ANKAR: variants seen among roughly 807,000 people sequenced by gnomAD.
The protein encoded by ANKAR is ankyrin and armadillo repeat containing.
Under a neutral mutation model 146.2 loss-of-function variants are expected in ANKAR, and 136 were observed. The observed-to-expected ratio is 0.93, with a 90% CI of 0.81 to 1.07. The LOEUF (loss-of-function observed/expected upper bound fraction) is 1.07. ANKAR is among the 50% of genes least tolerant of loss of function. The pLI is 0.00. For synonymous variants in ANKAR, 500 were observed against 575.8 expected, an observed-to-expected ratio of 0.87 and a Z score of 1.88; for missense variants, 1,567 against 1,679.9, an observed-to-expected ratio of 0.93 and a Z score of 1.18.
intron 20 of ANKAR, among the ~76,000 whole-genome samples, chr2:189,742,865 GACAC>G (rs58780931): frequency 0.081 from 3,471 of 42,950 alleles, 253 homozygotes; most frequent in African/African-American, 0.18. Context: ...AGAATTACCT[GACAC>G]ACACACACAC....
At chr2:189,693,006 C>A in intron 4 of ANKAR, 68 bp from the exon 5 acceptor site, 1 of 850,974 alleles carries the variant, frequency 1.2e-6, no homozygotes, top group South Asian at 2.0e-5. Context: ...CTCTTTCATA[C>A]AAAGAATTCT....
intron 10 of ANKAR, among the ~76,000 whole-genome samples, chr2:189,715,952 G>A (rs1361433640): frequency 3.9e-5 from 6 of 152,154 alleles, no homozygotes. Context: ...AATAATAAGA[G>A]CTATTTATGA....
Position 189,737,839 on chromosome 2 carries a change from C to T in ANKAR, c.3580C>T (p.Gln1194Ter). The change falls in exon 18 of 23, where the codon CAG becomes TAG. Residue 1194 changes from glutamine to a stop codon, truncating the protein, a stop_gained and splice_region_variant. Transcript: ENST00000684021. LOFTEE classifies it high-confidence loss of function. ...AACTGAGAAGGCAATGGCAGCATTT[C>T]AGGTATAAAATTGAGATTAACACCT... ...VETEKAMAAF[Q>*]IVVLAKVIRD... 1 of 1,548,532 alleles carries T rather than the reference C, an allele frequency of 6.5e-7. No homozygotes were observed. The highest frequency in any genetic ancestry group is 8.7e-7 in the Non-Finnish European group (1 of 1,155,710).
chr2:189,704,544 CATATATATATATAT>C (rs10578902), intron 7 of ANKAR, among the ~76,000 whole-genome samples: 1,442 of 36,410 alleles, frequency 0.04, 35 homozygotes, highest in African/African-American at 0.05. Flanking sequence ...CCTTTGTTAA[CATATATATATATAT>C]ATATATATAT....
intron 18 of ANKAR, among the ~76,000 whole-genome samples, chr2:189,758,643 A>G (rs1191859950): frequency 2.6e-5 from 4 of 152,218 alleles, no homozygotes; most frequent in Admixed American, 2.6e-4. Context: ...TATTCTTTCC[A>G]TCTCCATTCA....
rs544537725 is a variant in ANKAR at position 189,675,495 on chromosome 2, T to G, written c.-36+665T>G. ...CCGCGAGTAGCTGAGATTACAGGCA[T>G]GTACGACCACGTTTGGCTAATTTTG... is the stretch of plus-strand genomic sequence containing the variant. On this transcript the variant is annotated intron_variant, in intron 1 of 22. Transcript: ENST00000684021. 5.3e-5 allele frequency among the ~76,000 whole-genome samples: 8 copies of G among 152,206 alleles called. No individual in the cohort carries two copies. In the South Asian group the frequency reaches 1.7e-3, roughly 32 times the overall value.
intron 5 of ANKAR, among the ~76,000 whole-genome samples, chr2:189,693,774 A>G (rs530670010): frequency 6.6e-6 from 1 of 151,836 alleles, no homozygotes; most frequent in Non-Finnish European, 1.5e-5. Context: ...TATGAGACAG[A>G]GTCTTGCTCT....
At chr2:189,743,581 C>G in intron 21 of ANKAR, 107 bp downstream of exon 21, 1 of 994,354 alleles carries the variant, frequency 1.0e-6, no homozygotes, top group Non-Finnish European at 1.5e-6. Flanking sequence ...ATGAACATAT[C>G]TCCTGTATAG....
intron 5 of ANKAR, among the ~76,000 whole-genome samples, chr2:189,694,479 G>C (rs1159379771): frequency 6.6e-6 from 1 of 152,188 alleles, no homozygotes; most frequent in East Asian, 1.9e-4. Context: ...ATTCCAGAAT[G>C]ATAGGGATCA....
At chr2:189,748,836 G>A (rs2044597627), downstream of ANKAR, among the ~76,000 whole-genome samples, 1 of 152,122 alleles carries the variant, frequency 6.6e-6, no homozygotes, top group Non-Finnish European at 1.5e-5. Flanking sequence ...CTATTTTCAG[G>A]TTATCAGAGT....
chr2:189,753,581 G>A (rs1269075527), intron 18 of ANKAR, among the ~76,000 whole-genome samples: 1 of 151,976 alleles, frequency 6.6e-6, no homozygotes, highest in Non-Finnish European at 1.5e-5. Flanking sequence ...CAAACAAAGG[G>A]ATTTCATCAA....
chr2:189,690,024 A>G, intron 3 of ANKAR, 60 bp downstream of exon 3: 1 of 1,268,422 alleles, frequency 7.9e-7, no homozygotes, highest in African/African-American at 1.5e-5. Context: ...ATATGTTTAA[A>G]TGCAATTTTG....
intron 21 of ANKAR, 107 bp from the exon 22 acceptor site, chr2:189,744,635 T>A: frequency 4.4e-6 from 3 of 688,816 alleles, no homozygotes; most frequent in Non-Finnish European, 7.4e-6. Context: ...AATTAGGCCA[T>A]TAGGCATTAA....
intron 2 of ANKAR, among the ~76,000 whole-genome samples, chr2:189,681,502 A>G (rs2034668397): frequency 6.6e-6 from 1 of 152,160 alleles, no homozygotes; most frequent in Non-Finnish European, 1.5e-5. Flanking sequence ...GACACATAGG[A>G]ACATTCTAAT....
At chr2:189,729,715 T>TGTGTGTGTGTGTGTGTGTGTGGGGGG (rs61101787) in intron 15 of ANKAR, among the ~76,000 whole-genome samples, 1 of 141,398 alleles carries the variant, frequency 7.1e-6, no homozygotes, top group East Asian at 2.2e-4. Flanking sequence ...TGTGTGTGTG[T>TGTGTGTGTGTGTGTGTGTGTGGGGGG]GGTGCGGGTG....
At chr2:189,762,904 G>A (rs980877293), downstream of ANKAR, 34 of 985,404 alleles carry the variant, frequency 3.5e-5, no homozygotes, top group Non-Finnish European at 4.1e-5. Flanking sequence ...CGCTCTCTGT[G>A]CGCACCTGCA....
intron 18 of ANKAR, 34 bp downstream of exon 18, chr2:189,737,875 A>C: frequency 6.7e-7 from 1 of 1,487,914 alleles, no homozygotes; most frequent in Non-Finnish European, 8.9e-7. Context: ...CAAATTAATA[A>C]ATATGTCATT....
chr2:189,696,320 C>A lies in ANKAR; in HGVS notation c.1659C>A (p.Cys553Ter). The change falls in exon 7 of 23, where the codon TGC becomes TGA. Residue 553 changes from cysteine (C) to a stop codon, truncating the protein, a stop_gained. Transcript: ENST00000684021. LOFTEE classifies it high-confidence loss of function. ...GAGTTTCTATTATATGTCAACTGTG[C>A]AATGCTAACTTCAAGGTCAACCAGA... ...HNRVSIICQLCNANFKVNQRR... is the reference protein window; with the variant it reads ...HNRVSIICQL The A allele has an allele frequency of 6.2e-7, 1 of 1,614,060 alleles. No individual in the cohort carries two copies. The highest frequency in any genetic ancestry group is 8.5e-7 in the Non-Finnish European group (1 of 1,179,996).
At chr2:189,716,580 T>A (rs878862382) in intron 10 of ANKAR, among the ~76,000 whole-genome samples, 1 of 151,908 alleles carries the variant, frequency 6.6e-6, no homozygotes, top group Admixed American at 6.6e-5. Flanking sequence ...ACAGAATTGG[T>A]AAAAACTACT....
Sources: allele counts gnomAD v4.1 joint callset (sites outside exome capture counted in the v4.1 genomes callset), GRCh38; gene constraint gnomAD v4.1.1; transcripts MANE v1.5; gene names NCBI Gene and HGNC (gene_info 2026-07-23, HGNC 2026-07-21).